BRD8: variants seen among roughly 807,000 people sequenced by gnomAD.
BRD8 encodes bromodomain containing 8.
Under a neutral mutation model 143.1 loss-of-function variants are expected in BRD8, and 67 were observed. The observed-to-expected ratio is 0.47, with a 90% CI of 0.38 to 0.57. The LOEUF is 0.57. BRD8 is among the 20% of genes least tolerant of loss of function. The pLI is 0.00. For missense variants in BRD8, 1,103 were observed against 1,503.0 expected, an observed-to-expected ratio of 0.73 and a Z score of 4.40; for synonymous variants, 505 against 517.1, an observed-to-expected ratio of 0.98 and a Z score of 0.32.
At chr5:138,165,282 T>C (rs1753308350) in intron 11 of BRD8, 116 bp from the exon 12 acceptor site, 7 of 1,147,176 alleles carry the variant, frequency 6.1e-6, no homozygotes, top group South Asian at 4.3e-5. Flanking sequence ...ATTTTTTCCA[T>C]GTAGTGGAGG....
chr5:138,149,676 A>G lies in BRD8; in HGVS notation c.3242T>C (p.Val1081Ala), dbSNP rs758041863. 10 of 1,612,654 alleles carry G rather than the reference A, an allele frequency of 6.2e-6. No individual in the cohort carries two copies. The highest frequency in any genetic ancestry group is 8.5e-6 in the Non-Finnish European group (10 of 1,179,532). ...DAFNIKETPL[V>A]DTLFSHATSS... is the part of the protein sequence containing the mutation. Reference sequence around the variant, plus strand: ...GGTAGCATGGCTGAAAAGTGTATCCACCAAGGGAGTCTCCTTAATGTTAAA... The same window carrying G: ...GGTAGCATGGCTGAAAAGTGTATCCGCCAAGGGAGTCTCCTTAATGTTAAA... The change falls in exon 23 of 27, where the codon GTG (valine) becomes GCG (alanine). Residue 1081 changes from valine to alanine, a missense_variant. Transcript: ENST00000254900.
In BRD8 at chr5:138,160,062, G is replaced by A. The variant is rs373539008; in HGVS notation, c.2532+7C>T. ...CTGGCACACAGGTTCCTTCCTGATC[G>A]CCTCACCTTCTCTGAAGCATCCTGT... On this transcript the variant is annotated splice_region_variant and intron_variant, in intron 19 of 26. Coordinates refer to ENST00000254900, the MANE Select transcript of BRD8 (RefSeq NM_139199.2). 19 of 1,607,924 alleles carry A rather than the reference G, an allele frequency of 1.2e-5. No homozygotes were observed. In the South Asian group the frequency reaches 1.4e-4, roughly 12 times the overall value.
At chr5:138,157,591 G>T (rs905916307) in intron 20 of BRD8, 2 of 302,594 alleles carry the variant, frequency 6.6e-6, no homozygotes, top group Non-Finnish European at 1.3e-5. Context: ...GTAAAAGAAA[G>T]GTAGGAGAGT....
At chr5:138,177,196 G>C in intron 2 of BRD8, 1 of 162,148 alleles carries the variant, frequency 6.2e-6, no homozygotes, top group Non-Finnish European at 1.4e-5. Flanking sequence ...GACCATCGTG[G>C]CCAACATGGT....
At position 138,165,150 on chromosome 5, in the gene BRD8, T is replaced by G; in HGVS notation, c.1295A>C (p.Glu432Ala). The G allele has an allele frequency of 6.2e-7, 1 of 1,613,902 alleles. No individual in the cohort carries two copies. Among genetic ancestry groups the G allele is most frequent in the East Asian group, 2.2e-5 (1 of 44,880 alleles). The part of the protein sequence containing the change: ...IIEDKVDDHP[E>A]VLDVAAVEAA... ...TTCCACTGCTGCCACATCCAGCACTTCAGGATGATCATCTACCTGTCCCAC... is the reference window on the plus strand; with the variant it reads ...TTCCACTGCTGCCACATCCAGCACTGCAGGATGATCATCTACCTGTCCCAC... The change falls in exon 12 of 27, where the codon GAA (glutamate) becomes GCA (alanine). Residue 432 changes from glutamate to alanine, a missense_variant. Coordinates refer to ENST00000254900, the MANE Select transcript of BRD8 (RefSeq NM_139199.2).
intron 23 of BRD8, 119 bp downstream of exon 23, chr5:138,149,520 AT>A (rs1264293872): frequency 1.1e-5 from 9 of 806,934 alleles, no homozygotes; most frequent in Non-Finnish European, 1.6e-5. Flanking sequence ...AATTAATTAT[AT>A]TTTTTGTGTT....
chr5:138,140,663 G>A, intron 26 of BRD8, 42 bp downstream of exon 26: 1 of 1,590,640 alleles, frequency 6.3e-7, no homozygotes, highest in Non-Finnish European at 8.6e-7. Flanking sequence ...TAGGCGTTCT[G>A]AAATCAAGAT....
At position 138,166,005 on chromosome 5, in the gene BRD8, G is replaced by C. The variant is rs1753387578; in HGVS notation, c.1101C>G (p.Ile367Met). Residue 367 changes from isoleucine (I) to methionine (M), a missense_variant, in exon 11 of 27, where the codon ATC (isoleucine) becomes ATG (methionine). Physicochemically the swap from Ile to Met is conservative, Grantham distance 10 (BLOSUM62 1). Coordinates refer to ENST00000254900, the MANE Select transcript of BRD8 (RefSeq NM_139199.2). ...CCCCTGATCGAAAACACTCTTCTTT[G>C]ATAGAATTGATGATCATGGATATTT... The part of the protein sequence containing the change: ...SSEISMIINS[I>M]KEECFRSGVA... 1 of 1,614,156 alleles carries C rather than the reference G, an allele frequency of 6.2e-7. No homozygotes were observed. Among genetic ancestry groups the C allele is most frequent in the Admixed American group, 1.7e-5 (1 of 60,022 alleles).
intron 2 of BRD8, among the ~76,000 whole-genome samples, chr5:138,173,248 A>C (rs1364982359): frequency 6.6e-6 from 1 of 152,016 alleles, no homozygotes; most frequent in African/African-American, 2.4e-5. Flanking sequence ...AAATACAAAA[A>C]TTAGCCAGGC....
intron 15 of BRD8, among the ~76,000 whole-genome samples, chr5:138,162,679 A>T (rs1051507461): frequency 2.6e-5 from 4 of 151,716 alleles, no homozygotes; most frequent in African/African-American, 4.8e-5. Context: ...CCTTAAAAAA[A>T]TTTTTTTAAA....
At chr5:138,143,948 C>T (rs561347181) in intron 25 of BRD8, among the ~76,000 whole-genome samples, 5 of 152,266 alleles carry the variant, frequency 3.3e-5, no homozygotes, top group Admixed American at 1.3e-4. Flanking sequence ...CGCTGGAGTC[C>T]CCTTCCACAC....
intron 21 of BRD8, among the ~76,000 whole-genome samples, chr5:138,151,776 G>C (rs1752379475): frequency 6.6e-6 from 1 of 152,196 alleles, no homozygotes; most frequent in Non-Finnish European, 1.5e-5. Context: ...CGATTCTCCT[G>C]CCTCAGCCTC....
At chr5:138,175,912 CAA>C (rs59338837) in intron 2 of BRD8, among the ~76,000 whole-genome samples, 1 of 18,592 alleles carries the variant, frequency 5.4e-5, no homozygotes, top group Non-Finnish European at 9.7e-5. Context: ...ACCCTGTCTG[CAA>C]AAAAAAAAAA....
intron 2 of BRD8, among the ~76,000 whole-genome samples, chr5:138,176,423 T>G (rs928411689): frequency 6.6e-6 from 1 of 152,010 alleles, no homozygotes; most frequent in Non-Finnish European, 1.5e-5. Context: ...AATACAAAAA[T>G]TAGCCAGGCC....
Position 138,163,292 on chromosome 5 carries a change from A to T in BRD8, c.1925T>A (p.Leu642Gln), listed in dbSNP as rs1410615121. ...TTGATCCTCTTCCTTAGGCTCCTCT[A>T]GGCTGGCCGCTTCACTGACACCATC... Reference protein sequence around the residue: ...EEDGVSEAASLEEPKEEDQGE... With the variant: ...EEDGVSEAASQEEPKEEDQGE... Residue 642 changes from leucine to glutamine, a missense_variant, in exon 15 of 27, where the codon CTA becomes CAA. Leu to Gln is a moderately radical substitution (Grantham distance 113). Coordinates refer to ENST00000254900, the MANE Select transcript of BRD8 (RefSeq NM_139199.2). The T allele has an allele frequency of 6.2e-7, 1 of 1,614,140 alleles. No individual in the cohort carries two copies. The highest frequency in any genetic ancestry group is 2.2e-5 in the East Asian group (1 of 44,884).
chr5:138,140,452 C>T (rs1751856986), intron 26 of BRD8, among the ~76,000 whole-genome samples: 1 of 152,130 alleles, frequency 6.6e-6, no homozygotes, highest in African/African-American at 2.4e-5. Flanking sequence ...AGCGGGAATT[C>T]CCATTACTTG....
chr5:138,154,950 C>T (rs1365943016), intron 20 of BRD8, among the ~76,000 whole-genome samples: 1 of 151,738 alleles, frequency 6.6e-6, no homozygotes. Flanking sequence ...CTGCCTCAGC[C>T]TCCCGCGTAA....
At position 138,140,282 on chromosome 5, in the gene BRD8, T is replaced by C. The variant is rs565049900; in HGVS notation, c.3616-116A>G. ...TACTTTTTTCTTTAAAGTATGATGC[T>C]ACCCAGAAAAGAAACCCACAAATGT... On this transcript the variant is annotated intron_variant, in intron 26 of 26. Coordinates refer to ENST00000254900, the MANE Select transcript of BRD8 (RefSeq NM_139199.2). 5.1e-5 allele frequency: 38 copies of C among 738,928 alleles called. No homozygotes were observed. The South Asian group carries it at 6.2e-4, about 12-fold the overall frequency. 45.8% of individuals were successfully genotyped at this position (738,928 alleles called of 1,614,324 possible).
intron 14 of BRD8, chr5:138,163,686 A>G: frequency 7.7e-7 from 1 of 1,301,418 alleles, no homozygotes; most frequent in Non-Finnish European, 1.0e-6. Context: ...TTTGTGTCTC[A>G]TTTGATGGAG....
Sources: gnomAD v4.1 joint callset for allele counts (sites outside exome capture counted in the v4.1 genomes callset) on GRCh38, gnomAD v4.1.1 for gene constraint, MANE v1.5 for transcripts, NCBI Gene and HGNC (gene_info 2026-07-23, HGNC 2026-07-21) for gene names.